The following ME3 variants were observed in gnomAD, a reference collection of about 807,000 sequenced individuals.
ME3 encodes the protein NADP-dependent malic enzyme, mitochondrial.
ME3 carries 48 observed loss-of-function variants against 68.9 expected under a neutral mutation model. That is an observed-to-expected ratio of 0.70 (90% CI 0.55 to 0.89). The LOEUF (loss-of-function observed/expected upper bound fraction) is 0.89, where lower values mean the gene tolerates loss of function less well. ME3 is among the 40% of genes least tolerant of loss of function. The pLI is 0.00. For synonymous variants in ME3, 320 were observed against 318.8 expected (o/e 1.00, Z -0.04); for missense variants, 675 against 797.4 (o/e 0.85, Z 1.85).
chr11:86,514,168 G>A (rs1300692410), intron 4 of ME3, among the ~76,000 whole-genome samples: 1 of 152,136 alleles, frequency 6.6e-6, no homozygotes, highest in Non-Finnish European at 1.5e-5. Context: ...TGTGAAGAAG[G>A]TGCCTGCTTC....
At chr11:86,543,097 C>A (rs528337487) in intron 4 of ME3, among the ~76,000 whole-genome samples, 1 of 152,276 alleles carries the variant, frequency 6.6e-6, no homozygotes, top group South Asian at 2.1e-4. Flanking sequence ...TACAGACAAG[C>A]AAATGCTGAG....
intron 2 of ME3, among the ~76,000 whole-genome samples, chr11:86,640,720 A>G (rs1401935387): frequency 6.6e-6 from 1 of 152,128 alleles, no homozygotes; most frequent in African/African-American, 2.4e-5. Context: ...CTCTCTTCCT[A>G]TCTGCCACGT....
intron 2 of ME3, among the ~76,000 whole-genome samples, chr11:86,574,404 G>T (rs536249042): frequency 6.8e-6 from 1 of 146,706 alleles, no homozygotes; most frequent in African/African-American, 2.6e-5. Context: ...TGCCGGGGGG[G>T]GGGGGGGTGT....
At chr11:86,617,670 G>C (rs868358943) in intron 2 of ME3, among the ~76,000 whole-genome samples, 10 of 152,200 alleles carry the variant, frequency 6.6e-5, no homozygotes, top group Non-Finnish European at 1.2e-4. Context: ...GTCTGTGCTT[G>C]GCCTCTACCC....
intron 2 of ME3, among the ~76,000 whole-genome samples, chr11:86,567,971 G>A (rs1237212951): frequency 6.6e-6 from 1 of 152,174 alleles, no homozygotes; most frequent in Non-Finnish European, 1.5e-5. Flanking sequence ...GGTAAGAGTA[G>A]GGACTGTACA....
chr11:86,654,143 T>C (rs1247295448), intron 2 of ME3, among the ~76,000 whole-genome samples: 1 of 152,186 alleles, frequency 6.6e-6, no homozygotes, highest in African/African-American at 2.4e-5. Flanking sequence ...CCAGATGGAT[T>C]CACAGCCGAA....
chr11:86,649,596 G>T (rs923486992), intron 2 of ME3, among the ~76,000 whole-genome samples: 17 of 152,302 alleles, frequency 1.1e-4, no homozygotes, highest in Middle Eastern at 6.8e-3. Flanking sequence ...TCTTTAAGCT[G>T]ACAAGCAACT....
chr11:86,658,061 G>A (rs867434360), intron 2 of ME3, among the ~76,000 whole-genome samples: 18 of 152,054 alleles, frequency 1.2e-4, no homozygotes, highest in Admixed American at 3.3e-4. Context: ...TATATGAGGC[G>A]GTCTTTAAGG....
chr11:86,442,148 AAT>A (rs1949029074), intron 14 of ME3, among the ~76,000 whole-genome samples: 1 of 152,232 alleles, frequency 6.6e-6, no homozygotes, highest in Non-Finnish European at 1.5e-5. Context: ...CAGCTTTAAC[AAT>A]TATCAATGTT....
chr11:86,448,153 T>C, exon 11 of ME3: 2 of 1,611,428 alleles, frequency 1.2e-6, no homozygotes, highest in Non-Finnish European at 1.7e-6. Flanking sequence ...CTCCTACCTA[T>C]GATGGCTGTG....
intron 2 of ME3, among the ~76,000 whole-genome samples, chr11:86,618,836 C>T (rs768444199): frequency 2.0e-5 from 3 of 151,898 alleles, no homozygotes; most frequent in Non-Finnish European, 4.4e-5. Flanking sequence ...TCCTACCTCC[C>T]GAGTAGCTGG....
intron 8 of ME3, chr11:86,462,758 G>T: frequency 2.1e-6 from 1 of 472,572 alleles, no homozygotes; most frequent in Non-Finnish European, 4.1e-6. Context: ...ATGCAATACA[G>T]GCTTTTGGGG....
chr11:86,493,616 G>A lies in ME3; in HGVS notation c.705+4347C>T, dbSNP rs761641412. 2.0e-5 allele frequency among the ~76,000 whole-genome samples: 3 copies of A among 152,238 alleles called. No individual in the cohort carries two copies. In the East Asian group the frequency reaches 5.8e-4, roughly 29 times the overall value. On this transcript the variant is annotated intron_variant, in intron 6 of 14. Coordinates refer to ENST00000543262, the Ensembl canonical transcript of ME3. The stretch of plus-strand genomic sequence containing the variant: ...ACAAAATAAATCCAATCCACACGTA[G>A]CCATGATGGAAGGCTGAGCAGGCGC...
At chr11:86,510,358 T>C (rs1953425462) in intron 4 of ME3, among the ~76,000 whole-genome samples, 1 of 152,194 alleles carries the variant, frequency 6.6e-6, no homozygotes, top group Non-Finnish European at 1.5e-5. Flanking sequence ...TCCATTTTCT[T>C]TGAGTTTTCC....
chr11:86,467,249 A>G (rs1464043583), intron 7 of ME3, among the ~76,000 whole-genome samples: 1 of 152,238 alleles, frequency 6.6e-6, no homozygotes, highest in Non-Finnish European at 1.5e-5. Context: ...GCCTGAGGGT[A>G]ATTTTTAGAC....
intron 2 of ME3, among the ~76,000 whole-genome samples, chr11:86,599,010 G>A (rs1199921808): frequency 2.6e-5 from 4 of 152,280 alleles, no homozygotes; most frequent in South Asian, 4.2e-4. Flanking sequence ...AAAAAACAGA[G>A]CAGAAAAACT....
chr11:86,652,875 G>A (rs1945556951), intron 2 of ME3, among the ~76,000 whole-genome samples: 1 of 151,462 alleles, frequency 6.6e-6, no homozygotes, highest in South Asian at 2.1e-4. Context: ...ACACACACAG[G>A]CTCAAAATAA....
chr11:86,595,292 CAT>C (rs775768095), intron 2 of ME3, among the ~76,000 whole-genome samples: 3,923 of 124,198 alleles, frequency 0.032, 318 homozygotes, highest in Non-Finnish European at 0.044. Context: ...TATACATATA[CAT>C]ATATATATAT....
intron 3 of ME3, among the ~76,000 whole-genome samples, chr11:86,558,820 C>T (rs944969339): frequency 6.6e-6 from 1 of 152,224 alleles, no homozygotes; most frequent in Admixed American, 6.5e-5. Flanking sequence ...ATCCTCATAA[C>T]AACCCTATGA....
Sources: gnomAD v4.1 joint callset for allele counts (sites outside exome capture counted in the v4.1 genomes callset) on GRCh38, gnomAD v4.1.1 for gene constraint, MANE v1.5 for transcripts, NCBI Gene and HGNC (gene_info 2026-07-23, HGNC 2026-07-21) for gene names.